The following GSTCD variants were observed in gnomAD, a reference collection of about 807,000 sequenced individuals.
GSTCD encodes glutathione S-transferase C-terminal domain-containing protein.
A neutral mutation model predicts 68.3 loss-of-function variants in GSTCD; 44 were observed. That is an observed-to-expected ratio of 0.64 (90% CI 0.51 to 0.83). GSTCD has a LOEUF of 0.83. GSTCD is among the 40% of genes least tolerant of loss of function. The probability of loss-of-function intolerance (pLI) is 0.00; values close to 1 mark genes in which losing one functional copy is unlikely to be tolerated. For missense variants in GSTCD, 739 were observed against 735.9 expected (o/e 1.00, Z -0.05); for synonymous variants, 273 against 255.2 (o/e 1.07, Z -0.67).
At chr4:105,841,539 G>A (rs1240597018) in intron 10 of GSTCD, among the ~76,000 whole-genome samples, 2 of 151,980 alleles carry the variant, frequency 1.3e-5, no homozygotes, top group Admixed American at 6.6e-5. Context: ...ATTCTTAAGA[G>A]CTACATCTGG....
chr4:105,778,579 A>G (rs1735160141), intron 5 of GSTCD, among the ~76,000 whole-genome samples: 1 of 152,102 alleles, frequency 6.6e-6, no homozygotes, highest in Non-Finnish European at 1.5e-5. Flanking sequence ...CCCCACTGGT[A>G]TAGCTAAATT....
chr4:105,764,533 CT>C (rs149083140), intron 5 of GSTCD, among the ~76,000 whole-genome samples: 8,170 of 152,266 alleles, frequency 0.054, 252 homozygotes, highest in Middle Eastern at 0.14. Context: ...AGCAGGGATG[CT>C]TTCTGGCGAG....
At chr4:105,748,445 T>C (rs1224059892) in intron 5 of GSTCD, among the ~76,000 whole-genome samples, 3 of 152,174 alleles carry the variant, frequency 2.0e-5, no homozygotes, top group African/African-American at 4.8e-5. Flanking sequence ...ACGCTACCAA[T>C]TTTTGAGTAT....
chr4:105,726,933 A>G, intron 4 of GSTCD, 103 bp downstream of exon 4: 1 of 959,374 alleles, frequency 1.0e-6, no homozygotes, highest in Non-Finnish European at 1.5e-6. Context: ...TTTGTTATAA[A>G]TTTTATTTGT....
At chr4:105,821,073 A>C (rs977786689) in intron 5 of GSTCD, 1 of 151,818 alleles carries the variant, frequency 6.6e-6, no homozygotes, top group Non-Finnish European at 1.5e-5. Flanking sequence ...TGGTGGCTCC[A>C]TTTAATGGCA....
rs115229211 is a variant in GSTCD, at chr4:105,775,757, A to G, written c.1240+46258A>G. 8.5e-3 allele frequency among the ~76,000 whole-genome samples: 1,301 copies of G among 152,198 alleles called. 17 individuals are homozygous for G. Among genetic ancestry groups the G allele is most frequent in the African/African-American group, 0.029 (1,201 of 41,552 alleles). On this transcript the variant is annotated intron_variant, in intron 5 of 11. Transcript: ENST00000515279. ...CAGGGGCACCTGCCAGATGTCAGCC[A>G]GAGCTCTTTTGTATGAGGTGTCTGT...
At chr4:105,815,401 C>G (rs1481679306) in intron 5 of GSTCD, 1 of 152,058 alleles carries the variant, frequency 6.6e-6, no homozygotes. Context: ...GATGCCACCT[C>G]TAGATGGGAA....
chr4:105,826,447 A>AT (rs921252845), intron 8 of GSTCD, among the ~76,000 whole-genome samples: 1 of 151,828 alleles, frequency 6.6e-6, no homozygotes, highest in Non-Finnish European at 1.5e-5. Context: ...GCTTTAAATA[A>AT]TTTTTTTTCT....
intron 5 of GSTCD, among the ~76,000 whole-genome samples, chr4:105,741,172 G>A (rs1317782092): frequency 1.3e-5 from 2 of 151,216 alleles, no homozygotes; most frequent in Non-Finnish European, 2.9e-5. Flanking sequence ...ACCTAATATT[G>A]CCTGTATCTC....
rs1432235539 is a variant in GSTCD, at chr4:105,845,591, C to A, written c.*14C>A. On this transcript the variant is annotated 3_prime_UTR_variant, in exon 12 of 12. Transcript: ENST00000515279. ...GTCCCCATTTAAAATGAGATATTCACATTTGATATTTTGCCATCCGTCTTC... is the reference window on the plus strand; with the variant it reads ...GTCCCCATTTAAAATGAGATATTCAAATTTGATATTTTGCCATCCGTCTTC... 4 of 1,613,654 alleles carry A rather than the reference C, an allele frequency of 2.5e-6. No individual in the cohort carries two copies. The highest frequency in any genetic ancestry group is 2.5e-6 in the Non-Finnish European group (3 of 1,179,786).
At chr4:105,809,756 T>A (rs1458893041) in intron 5 of GSTCD, among the ~76,000 whole-genome samples, 1 of 147,322 alleles carries the variant, frequency 6.8e-6, no homozygotes, top group Non-Finnish European at 1.5e-5. Context: ...GACAGGTTGG[T>A]TTTTTTTTTT....
intron 5 of GSTCD, among the ~76,000 whole-genome samples, chr4:105,764,753 A>G (rs1481770647): frequency 2.6e-5 from 4 of 152,244 alleles, no homozygotes; most frequent in Non-Finnish European, 1.5e-5. Context: ...GGCTTTTAAC[A>G]TAATTTTTGG....
At chr4:105,829,867 A>G (rs773862680) in intron 8 of GSTCD, among the ~76,000 whole-genome samples, 46 of 152,286 alleles carry the variant, frequency 3.0e-4, no homozygotes, top group Non-Finnish European at 5.3e-4. Context: ...GACGTCTTGA[A>G]AAATAAAAAT....
intron 3 of GSTCD, among the ~76,000 whole-genome samples, chr4:105,724,901 C>G (rs1732980596): frequency 6.6e-6 from 1 of 151,968 alleles, no homozygotes; most frequent in Admixed American, 6.6e-5. Flanking sequence ...CCAATTAACT[C>G]TCTATATGCA....
At chr4:105,798,025 C>A (rs1000254294) in intron 5 of GSTCD, among the ~76,000 whole-genome samples, 2 of 152,068 alleles carry the variant, frequency 1.3e-5, no homozygotes, top group Non-Finnish European at 2.9e-5. Flanking sequence ...TCCTCTCAAA[C>A]CCTGCTGCTA....
At chr4:105,779,623 A>T (rs568001182) in intron 5 of GSTCD, among the ~76,000 whole-genome samples, 1 of 152,198 alleles carries the variant, frequency 6.6e-6, no homozygotes, top group Non-Finnish European at 1.5e-5. Context: ...ATATAGAAAG[A>T]CACTCTTTAG....
intron 5 of GSTCD, among the ~76,000 whole-genome samples, chr4:105,739,680 T>C (rs1320034647): frequency 6.6e-6 from 1 of 152,190 alleles, no homozygotes; most frequent in East Asian, 1.9e-4. Flanking sequence ...TGACTGCTTT[T>C]GTTGGTCAAA....
chr4:105,731,488 A>T (rs1443144417), intron 5 of GSTCD, among the ~76,000 whole-genome samples: 2 of 152,124 alleles, frequency 1.3e-5, no homozygotes, highest in East Asian at 1.9e-4. Context: ...ATTCTCTTTG[A>T]AACAATTGTG....
chr4:105,766,302 G>A (rs1734604577), intron 5 of GSTCD, among the ~76,000 whole-genome samples: 1 of 152,114 alleles, frequency 6.6e-6, no homozygotes, highest in South Asian at 2.1e-4. Context: ...ATGAGATGGA[G>A]CTGCTGCTGG....
Sources: gnomAD v4.1 joint callset for allele counts (sites outside exome capture counted in the v4.1 genomes callset) on GRCh38, gnomAD v4.1.1 for gene constraint, MANE v1.5 for transcripts, NCBI Gene and HGNC (gene_info 2026-07-23, HGNC 2026-07-21) for gene names.